CNTN1: variants seen among roughly 807,000 people sequenced by gnomAD.
The protein encoded by CNTN1 is contactin 1, also known as contactin-1.
A neutral mutation model predicts 126.4 loss-of-function variants in CNTN1; 38 were observed. The observed-to-expected ratio is 0.30, with a 90% CI of 0.23 to 0.39. The LOEUF (loss-of-function observed/expected upper bound fraction) is 0.39, where lower values mean the gene tolerates loss of function less well. CNTN1 is among the 10% of genes least tolerant of loss of function. The probability of loss-of-function intolerance (pLI) is 1.00; values close to 1 mark genes in which losing one functional copy is unlikely to be tolerated. For missense variants in CNTN1, 1,009 were observed against 1,248.4 expected (o/e 0.81, Z 2.89); for synonymous variants, 413 against 422.6 (o/e 0.98, Z 0.28).
chr12:40,823,811 T>C (rs1239342332), intron 1 of CNTN1, among the ~76,000 whole-genome samples: 1 of 152,148 alleles, frequency 6.6e-6, no homozygotes, highest in Admixed American at 6.6e-5. Flanking sequence ...TTTATGTGCC[T>C]AACTCTTCAT....
chr12:40,811,543 T>C (rs1416253790), intron 1 of CNTN1, among the ~76,000 whole-genome samples: 2 of 152,188 alleles, frequency 1.3e-5, no homozygotes, highest in Non-Finnish European at 2.9e-5. Flanking sequence ...TTCTGGGCTT[T>C]TTTTGATAGA....
chr12:41,051,789 T>C (rs889879410), intron 23 of CNTN1, among the ~76,000 whole-genome samples: 1 of 151,972 alleles, frequency 6.6e-6, no homozygotes, highest in African/African-American at 2.4e-5. Flanking sequence ...CTGCATACTA[T>C]GTATTTAATG....
At chr12:40,782,597 G>A (rs1939845864) in intron 1 of CNTN1, among the ~76,000 whole-genome samples, 1 of 151,850 alleles carries the variant, frequency 6.6e-6, no homozygotes, top group Non-Finnish European at 1.5e-5. Flanking sequence ...AAATTTGCTG[G>A]AGGGACAATT....
At chr12:40,727,275 A>G (rs1232707452) in intron 1 of CNTN1, among the ~76,000 whole-genome samples, 1 of 151,954 alleles carries the variant, frequency 6.6e-6, no homozygotes, top group Non-Finnish European at 1.5e-5. Flanking sequence ...AAAAGTTTTT[A>G]GTCATTATGT....
intron 1 of CNTN1, among the ~76,000 whole-genome samples, chr12:40,843,192 C>T (rs1052011005): frequency 1.3e-5 from 2 of 152,058 alleles, no homozygotes; most frequent in Non-Finnish European, 2.9e-5. Flanking sequence ...CCCCCTCCTA[C>T]CAGTAAGTAT....
intron 16 of CNTN1, among the ~76,000 whole-genome samples, chr12:40,990,976 G>A (rs1464110791): frequency 6.6e-6 from 1 of 152,172 alleles, no homozygotes; most frequent in Non-Finnish European, 1.5e-5. Context: ...CCAAACTCAA[G>A]AATTATAAAC....
intron 23 of CNTN1, among the ~76,000 whole-genome samples, chr12:41,035,842 A>T (rs1273036742): frequency 1.3e-5 from 2 of 152,176 alleles, no homozygotes; most frequent in Non-Finnish European, 2.9e-5. Flanking sequence ...GAGAGGTAAG[A>T]GGGGTAAAGT....
At chr12:40,877,704 AT>A (rs1360552755) in intron 1 of CNTN1, among the ~76,000 whole-genome samples, 4 of 152,210 alleles carry the variant, frequency 2.6e-5, no homozygotes, top group Non-Finnish European at 5.9e-5. Flanking sequence ...CACTAATGGC[AT>A]TTAAAATATT....
intron 23 of CNTN1, among the ~76,000 whole-genome samples, chr12:41,049,029 A>T (rs1201327717): frequency 1.3e-5 from 2 of 152,088 alleles, no homozygotes; most frequent in South Asian, 4.1e-4. Context: ...TCCTCTCCTT[A>T]CTCAAGCTCT....
chr12:40,930,926 G>A (rs1044794396), intron 7 of CNTN1, among the ~76,000 whole-genome samples: 1 of 151,876 alleles, frequency 6.6e-6, no homozygotes, highest in Non-Finnish European at 1.5e-5. Flanking sequence ...GACTGAAAAG[G>A]AGCCATCATG....
At position 41,029,431 on chromosome 12, in the gene CNTN1, C is replaced by T. The variant is rs551115946; in HGVS notation, c.2980+212C>T. Among the ~76,000 whole-genome samples the T allele has an allele frequency of 1.6e-4, 25 of 152,300 alleles. No individual in the cohort carries two copies. In the South Asian group the frequency reaches 5.2e-3, roughly 32 times the overall value. ...ATACCACATACTTCTTGATTATTAT[C>T]TGGATGTCAAAGCACAGTTGAAATC... On this transcript the variant is annotated intron_variant, in intron 23 of 23. Transcript: ENST00000551295.
At chr12:40,863,494 T>A (rs1943182916) in intron 1 of CNTN1, among the ~76,000 whole-genome samples, 1 of 152,184 alleles carries the variant, frequency 6.6e-6, no homozygotes, top group Non-Finnish European at 1.5e-5. Context: ...ATATCCTATC[T>A]CTTAATTTAT....
intron 7 of CNTN1, among the ~76,000 whole-genome samples, chr12:40,930,833 T>C (rs2136910405): frequency 6.6e-6 from 1 of 152,066 alleles, no homozygotes; most frequent in East Asian, 1.9e-4. Context: ...ACTCACATAA[T>C]TGGTATTCAA....
chr12:40,789,939 T>G (rs1458277510), intron 1 of CNTN1, among the ~76,000 whole-genome samples: 1 of 152,144 alleles, frequency 6.6e-6, no homozygotes, highest in African/African-American at 2.4e-5. Flanking sequence ...CTTTTTAGAT[T>G]TACACCTTTG....
intron 1 of CNTN1, among the ~76,000 whole-genome samples, chr12:40,901,098 G>A (rs776134185): frequency 4.6e-5 from 7 of 152,134 alleles, no homozygotes; most frequent in Non-Finnish European, 8.8e-5. Flanking sequence ...TTTCGTATCT[G>A]ATCCTGACCA....
chr12:40,872,766 T>C (rs1161227412), intron 1 of CNTN1, among the ~76,000 whole-genome samples: 1 of 151,572 alleles, frequency 6.6e-6, no homozygotes, highest in African/African-American at 2.4e-5. Context: ...TTCACCATAT[T>C]GGTCAGGCTG....
Position 40,701,486 on chromosome 12 carries a change from A to G in CNTN1, c.-77+8894A>G, listed in dbSNP as rs555536232. On this transcript the variant is annotated intron_variant, in intron 1 of 23. Coordinates refer to ENST00000551295, the MANE Select transcript of CNTN1 (RefSeq NM_001843.4). Reference sequence around the variant, plus strand: ...TAAAAGTACAGATTTGTTAACTGTAACAGACAAGATGAATATTATAAATAA... The same window carrying G: ...TAAAAGTACAGATTTGTTAACTGTAGCAGACAAGATGAATATTATAAATAA... 1.2e-4 allele frequency among the ~76,000 whole-genome samples: 19 copies of G among 152,264 alleles called. No homozygotes were observed. The South Asian group carries it at 3.7e-3, about 30-fold the overall frequency.
chr12:41,007,044 GGTTTTTTTTT>G (rs1948510710), intron 17 of CNTN1, among the ~76,000 whole-genome samples: 10 of 123,446 alleles, frequency 8.1e-5, no homozygotes, highest in East Asian at 5.2e-4. Context: ...AGTTTTGTGT[GGTTTTTTTTT>G]TTTTTTTTTT....
At chr12:40,827,066 A>G (rs1941636651) in intron 1 of CNTN1, among the ~76,000 whole-genome samples, 1 of 152,164 alleles carries the variant, frequency 6.6e-6, no homozygotes, top group Non-Finnish European at 1.5e-5. Flanking sequence ...GGTTTACATG[A>G]ATCTCCCATC....
Sources: allele counts gnomAD v4.1 joint callset (sites outside exome capture counted in the v4.1 genomes callset), GRCh38; gene constraint gnomAD v4.1.1; transcripts MANE v1.5; gene names NCBI Gene and HGNC (gene_info 2026-07-23, HGNC 2026-07-21).